Variants in GP6 observed in about 807,000 individuals in gnomAD.
GP6 encodes the protein glycoprotein VI platelet.
GP6 carries 45 observed loss-of-function variants against 37.3 expected under a neutral mutation model. The observed-to-expected ratio is 1.21, with a 90% CI of 0.95 to 1.55. The LOEUF (loss-of-function observed/expected upper bound fraction) is 1.55. GP6 is among the 40% of genes most tolerant of loss of function. GP6 has a pLI of 0.00. For synonymous variants in GP6, 340 were observed against 316.4 expected (o/e 1.07, Z -0.79); for missense variants, 813 against 760.2 (o/e 1.07, Z -0.82).
At chr19:55,024,316 G>GCACACATGCACGCATGCA (rs1568613004) in intron 5 of GP6, among the ~76,000 whole-genome samples, 2 of 140,112 alleles carry the variant, frequency 1.4e-5, no homozygotes, top group Non-Finnish European at 3.1e-5. Flanking sequence ...ACATATGCAC[G>GCACACATGCACGCATGCA]CACACACACA....
At chr19:55,036,252 G>C (rs2074827038) in intron 1 of GP6, among the ~76,000 whole-genome samples, 2 of 152,054 alleles carry the variant, frequency 1.3e-5, no homozygotes. Flanking sequence ...AGACTCAGAA[G>C]GGAAGGGCAG....
At chr19:55,016,334 A>G (rs2073872735) in intron 6 of GP6, among the ~76,000 whole-genome samples, 1 of 151,704 alleles carries the variant, frequency 6.6e-6, no homozygotes, top group Admixed American at 6.6e-5. Context: ...GTAGAAATAT[A>G]AAGCACCGTG....
At chr19:55,023,772 T>G (rs1029784475) in intron 5 of GP6, among the ~76,000 whole-genome samples, 2 of 152,210 alleles carry the variant, frequency 1.3e-5, no homozygotes, top group African/African-American at 4.8e-5. Flanking sequence ...GAACACATCA[T>G]TGATACATAC....
At position 55,015,137 on chromosome 19, in the gene GP6, G is replaced by A. The variant is rs879335512; in HGVS notation, c.808C>T (p.Gln270Ter). Residue 270 changes from glutamine (Q) to a stop codon, truncating the protein, a stop_gained, in exon 8 of 8, where the codon CAA (glutamine) becomes TAA (stop). Coordinates refer to ENST00000310373, the MANE Select transcript of GP6 (RefSeq NM_001083899.2). LOFTEE classifies it low-confidence loss of function (END_TRUNC). ...CCCCGAGGCATATCCGGACCAGGTT[G>A]CCCTTGGTGTAGTACTGGCGGGCAG... The A allele has an allele frequency of 7.6e-6, 12 of 1,573,404 alleles. No homozygotes were observed. The highest frequency in any genetic ancestry group is 1.0e-5 in the Non-Finnish European group (12 of 1,158,960).
chr19:55,015,600 C>T (rs149948090), intron 7 of GP6, 83 bp downstream of exon 7: 2 of 841,802 alleles, frequency 2.4e-6, no homozygotes, highest in East Asian at 2.4e-5. Context: ...CTGAGAGCTG[C>T]AGCCCCTGCG....
intron 1 of GP6, chr19:55,032,937 G>T (rs2074635763): frequency 3.4e-6 from 1 of 290,972 alleles, no homozygotes; most frequent in African/African-American, 2.2e-5. Context: ...TAGACACGGT[G>T]GGCTCGTTCG....
Position 55,032,198 on chromosome 19 carries a change from G to T in GP6, c.266C>A (p.Ser89Tyr). The T allele has an allele frequency of 6.2e-7, 1 of 1,614,026 alleles. No homozygotes were observed. The highest frequency in any genetic ancestry group is 8.5e-7 in the Non-Finnish European group (1 of 1,179,926). The stretch of plus-strand genomic sequence containing the variant: ...GGACCAGAGGCTTCCGTTCTGGTAG[G>T]AGCAGCGGTAGCGTCCAGCCAGACT... The change falls in exon 3 of 8, where the codon TCC (serine) becomes TAC (tyrosine). Residue 89 changes from serine to tyrosine, a missense_variant. Coordinates refer to ENST00000310373, the MANE Select transcript of GP6 (RefSeq NM_001083899.2).
chr19:55,015,612 A>G, intron 7 of GP6, 71 bp downstream of exon 7: 1 of 917,588 alleles, frequency 1.1e-6, no homozygotes, highest in Non-Finnish European at 1.8e-6. Flanking sequence ...GCCCCTGCGT[A>G]GACAAAGGAG....
intron 5 of GP6, among the ~76,000 whole-genome samples, chr19:55,024,572 G>A (rs946808271): frequency 3.3e-5 from 5 of 152,124 alleles, no homozygotes; most frequent in African/African-American, 1.2e-4. Flanking sequence ...TAAAGTGCAG[G>A]CCGTAGTCTG....
chr19:55,015,709 CT>C lies in GP6; in HGVS notation c.748del (p.Ser250ValfsTer92). 1 of 1,583,878 alleles carries C rather than the reference CT, an allele frequency of 6.3e-7. No homozygotes were observed. Among genetic ancestry groups the C allele is most frequent in the Non-Finnish European group, 8.7e-7 (1 of 1,152,236 alleles). On this transcript the variant is annotated frameshift_variant, in exon 7 of 8. Coordinates refer to ENST00000310373, the MANE Select transcript of GP6 (RefSeq NM_001083899.2). LOFTEE classifies it low-confidence loss of function (END_TRUNC). ...AGCTGGAGAGTCTGACTCCTTTGGA[CT>C]GGCGGTGATACTCCTAGAAGTCTCT...
At chr19:55,018,871 T>C in intron 5 of GP6, 160 bp from the exon 6 acceptor site, 2 of 694,168 alleles carry the variant, frequency 2.9e-6, no homozygotes, top group South Asian at 3.1e-5. Flanking sequence ...AAGACTTATC[T>C]TCCATGACCG....
chr19:55,037,721 T>C (rs1325643417), intron 1 of GP6, among the ~76,000 whole-genome samples: 1 of 133,548 alleles, frequency 7.5e-6, no homozygotes, highest in African/African-American at 2.8e-5. Context: ...AACTTCTGCC[T>C]CCCAGTTTCA....
intron 3 of GP6, among the ~76,000 whole-genome samples, chr19:55,031,295 G>C (rs376158161): frequency 2.0e-4 from 31 of 152,330 alleles, no homozygotes; most frequent in African/African-American, 7.0e-4. Flanking sequence ...CCCGAGCCAA[G>C]CACGGTGGCC....
chr19:55,032,690 G>T (rs2146878509), intron 1 of GP6, 152 bp from the exon 2 acceptor site: 1 of 860,514 alleles, frequency 1.2e-6, no homozygotes, highest in Non-Finnish European at 1.9e-6. Context: ...TTAAGTGAGA[G>T]AAACCGGTCA....
Position 55,014,441 on chromosome 19 carries a change from T to G in GP6, c.1504A>C (p.Asn502His), listed in dbSNP as rs2073770709. Residue 502 changes from asparagine (N) to histidine (H), a missense_variant, in exon 8 of 8, where the codon AAT becomes CAT. Coordinates refer to ENST00000310373, the MANE Select transcript of GP6 (RefSeq NM_001083899.2). ...CCCGTTCTGAGAGACGAAAGGAGAT[T>G]TGTTAGACCGCAGTGGGAGATGGAG... The G allele has an allele frequency of 1.9e-6, 3 of 1,613,514 alleles. No homozygotes were observed. The highest frequency in any genetic ancestry group is 2.5e-6 in the Non-Finnish European group (3 of 1,179,578).
chr19:55,024,352 GCACA>G (rs2074220361), intron 5 of GP6, among the ~76,000 whole-genome samples: 2 of 123,954 alleles, frequency 1.6e-5, no homozygotes, highest in Admixed American at 1.6e-4. Flanking sequence ...GCACATGCAC[GCACA>G]CACACATATG....
intron 2 of GP6, 36 bp from the exon 3 acceptor site, chr19:55,032,432 A>G: frequency 6.2e-7 from 1 of 1,611,682 alleles, no homozygotes; most frequent in Non-Finnish European, 8.5e-7. Flanking sequence ...GCCTCCCCGC[A>G]GACCCCGCCT....
chr19:55,015,200 G>C, intron 7 of GP6, 35 bp from the exon 8 acceptor site: 1 of 1,550,758 alleles, frequency 6.4e-7, no homozygotes, highest in Non-Finnish European at 8.7e-7. Flanking sequence ...GCAGGTGAAA[G>C]AGCCCACCTC....
At chr19:55,023,605 C>T (rs1568610449) in intron 5 of GP6, among the ~76,000 whole-genome samples, 1 of 152,156 alleles carries the variant, frequency 6.6e-6, no homozygotes, top group Non-Finnish European at 1.5e-5. Context: ...CTTCCTGAGG[C>T]CTCCCCAAAA....
Sources: allele counts gnomAD v4.1 joint callset (sites outside exome capture counted in the v4.1 genomes callset), GRCh38; gene constraint gnomAD v4.1.1; transcripts MANE v1.5; gene names NCBI Gene and HGNC (gene_info 2026-07-23, HGNC 2026-07-21).